TRPM4: variants seen among roughly 807,000 people sequenced by gnomAD.
TRPM4 encodes transient receptor potential cation channel subfamily M member 4, also known as calcium-activated non-selective cation channel 1.
In TRPM4, 124 loss-of-function variants were observed where a neutral mutation model predicts 135.6. The ratio of observed to expected loss-of-function variants is 0.91; its 90% CI spans 0.79 to 1.06. The LOEUF is 1.06. Ranked by LOEUF, TRPM4 falls within the 50% of genes least tolerant of loss-of-function variation. The pLI is 0.00. For synonymous variants in TRPM4, 745 were observed against 705.6 expected (o/e 1.06, Z -0.88); for missense variants, 1,658 against 1,671.4 (o/e 0.99, Z 0.14).
At chr19:49,185,537 G>T (rs1380503261) in intron 12 of TRPM4, among the ~76,000 whole-genome samples, 1 of 151,286 alleles carries the variant, frequency 6.6e-6, no homozygotes, top group African/African-American at 2.4e-5. Context: ...CACCATGCCT[G>T]GTCTCTATTA....
chr19:49,182,472 CCAT>C (rs1968013828), intron 10 of TRPM4, 103 bp from the exon 11 acceptor site: 2 of 812,122 alleles, frequency 2.5e-6, no homozygotes, highest in Non-Finnish European at 4.1e-6. Context: ...ATCCATCCAT[CCAT>C]CCATCCATCC....
At chr19:49,187,289 G>A (rs1968233835) in intron 12 of TRPM4, among the ~76,000 whole-genome samples, 2 of 151,472 alleles carry the variant, frequency 1.3e-5, no homozygotes, top group African/African-American at 4.9e-5. Context: ...TTTTGTGGAG[G>A]GATAAAGTTT....
Position 49,211,277 on chromosome 19 carries a change from T to A in TRPM4, c.3640+8T>A, listed in dbSNP as rs757363295. On this transcript the variant is annotated splice_region_variant and intron_variant, in intron 24 of 24. Transcript: ENST00000252826. The surrounding 1 kb of genome is among the most constrained non-coding windows in gnomAD (Gnocchi z 4.8). The stretch of plus-strand genomic sequence containing the variant: ...ACCTGCCTGGGTCCAAAGGTCAGTG[T>A]GTAGCATCAGCCTGTGCATCTCCAG... 6.3e-7 allele frequency: 1 copy of A among 1,578,792 alleles called. No individual in the cohort carries two copies. The highest frequency in any genetic ancestry group is 8.6e-7 in the Non-Finnish European group (1 of 1,163,416).
Position 49,210,628 on chromosome 19 carries a change from C to G in TRPM4, c.3329-82C>G. 2 of 1,601,130 alleles carry G rather than the reference C, an allele frequency of 1.2e-6. No individual in the cohort carries two copies. Among genetic ancestry groups the G allele is most frequent in the Non-Finnish European group, 1.7e-6 (2 of 1,170,114 alleles). On this transcript the variant is annotated intron_variant, in intron 21 of 24. Coordinates refer to ENST00000252826, the MANE Select transcript of TRPM4 (RefSeq NM_017636.4). The surrounding 1 kb of genome is among the most constrained non-coding windows in gnomAD (Gnocchi z 4.1). Reference sequence around the variant, plus strand: ...CAGGGGCTGGGTCTGGGATAGCGTGCGTGTTCTGAGGGTGTCGGAAGGGGC... The same window carrying G: ...CAGGGGCTGGGTCTGGGATAGCGTGGGTGTTCTGAGGGTGTCGGAAGGGGC...
chr19:49,182,395 CCCATCCAT>C (rs1300120512), intron 10 of TRPM4, 175 bp from the exon 11 acceptor site: 1 of 548,440 alleles, frequency 1.8e-6, no homozygotes, highest in Non-Finnish European at 3.2e-6. Context: ...CATCCATCTG[CCCATCCAT>C]CCATCTGTCC....
chr19:49,183,069 T>G lies in TRPM4; in HGVS notation c.1609-9T>G, dbSNP rs1229012849. ...GGCTGGTCCTCACCACCCCTCCTTT[T>G]GCTGGCAGATGTATCTGCTCTCGGA... On this transcript the variant is annotated splice_polypyrimidine_tract_variant and intron_variant, in intron 11 of 24. Transcript: ENST00000252826. The G allele has an allele frequency of 3.7e-6, 6 of 1,611,330 alleles. No individual in the cohort carries two copies.
chr19:49,210,147 C>T lies in TRPM4; in HGVS notation c.3132-62C>T. Reference sequence around the variant, plus strand: ...GAACAATTATTGCCTGGCATCTAACCTTCGTCCTTGCCCCTGGCTGGGCCC... The same window carrying T: ...GAACAATTATTGCCTGGCATCTAACTTTCGTCCTTGCCCCTGGCTGGGCCC... On this transcript the variant is annotated intron_variant, in intron 20 of 24. Coordinates refer to ENST00000252826, the MANE Select transcript of TRPM4 (RefSeq NM_017636.4). The surrounding 1 kb of genome is among the most constrained non-coding windows in gnomAD (Gnocchi z 4.1). The T allele has an allele frequency of 6.5e-7, 1 of 1,549,062 alleles. No homozygotes were observed. Among genetic ancestry groups the T allele is most frequent in the Non-Finnish European group, 8.9e-7 (1 of 1,120,644 alleles).
At chr19:49,165,141 G>C (rs1967123094) in intron 2 of TRPM4, among the ~76,000 whole-genome samples, 1 of 152,012 alleles carries the variant, frequency 6.6e-6, no homozygotes, top group African/African-American at 2.4e-5. Context: ...ATTTCTTTAG[G>C]TGGGGGAAAG....
chr19:49,182,580 C>A lies in TRPM4; in HGVS notation c.1266C>A (p.Ser422=), dbSNP rs1968020964. 1 of 1,612,858 alleles carries A rather than the reference C, an allele frequency of 6.2e-7. No homozygotes were observed. The highest frequency in any genetic ancestry group is 1.3e-5 in the African/African-American group (1 of 75,070). Residue 422 remains serine (S), a splice_region_variant and synonymous_variant, in exon 11 of 25, where the codon TCC becomes TCA. Transcript: ENST00000252826. ...CCCTATTCATCCCACCCTGCCAGTC[C>A]TTCCATCTCGAAGCTTCCCTCATGG... ...ELFRGDIQWR[S]FHLEASLMDA...
At chr19:49,178,768 A>AT (rs973698566) in intron 9 of TRPM4, among the ~76,000 whole-genome samples, 45 of 96,000 alleles carry the variant, frequency 4.7e-4, no homozygotes, top group Admixed American at 2.3e-3. Flanking sequence ...TTATTTTTTT[A>AT]TTTTTTTTGA....
At chr19:49,193,351 G>A (rs867761272) in intron 16 of TRPM4, among the ~76,000 whole-genome samples, 9 of 152,244 alleles carry the variant, frequency 5.9e-5, no homozygotes, top group African/African-American at 2.2e-4. Flanking sequence ...AAAGTGCTGG[G>A]ATTACAAGCA....
intron 20 of TRPM4, among the ~76,000 whole-genome samples, chr19:49,204,280 G>GT (rs1969063835): frequency 6.6e-6 from 1 of 152,184 alleles, no homozygotes; most frequent in Non-Finnish European, 1.5e-5. Context: ...ATCTCAAAGT[G>GT]GAATTCCTCG....
chr19:49,178,284 C>T (rs1568467290), intron 9 of TRPM4, among the ~76,000 whole-genome samples: 1 of 152,124 alleles, frequency 6.6e-6, no homozygotes, highest in African/African-American at 2.4e-5. Flanking sequence ...GTGATGGCGC[C>T]ACTGCACTCC....
intron 2 of TRPM4, among the ~76,000 whole-genome samples, chr19:49,163,170 C>T (rs1017959560): frequency 3.5e-4 from 53 of 149,836 alleles, no homozygotes; most frequent in African/African-American, 1.1e-3. Flanking sequence ...CAGACTATTC[C>T]GTGAAGAGCT....
intron 2 of TRPM4, 143 bp from the exon 3 acceptor site, chr19:49,165,898 G>T: frequency 1.2e-6 from 1 of 843,934 alleles, no homozygotes; most frequent in South Asian, 1.7e-5. Flanking sequence ...TCAGAGCCAG[G>T]GCCAGGGGCA....
chr19:49,210,645 G>T lies in TRPM4; in HGVS notation c.3329-65G>T. ...ATAGCGTGCGTGTTCTGAGGGTGTC[G>T]GAAGGGGCAGCTGGGATTGGGAAGG... is the stretch of plus-strand genomic sequence containing the variant. On this transcript the variant is annotated intron_variant, in intron 21 of 24. Transcript: ENST00000252826. This position sits in a 1 kb window ranked among gnomAD's most constrained non-coding sequence, Gnocchi z 4.1. 1 of 1,612,296 alleles carries T rather than the reference G, an allele frequency of 6.2e-7. No individual in the cohort carries two copies. Among genetic ancestry groups the T allele is most frequent in the South Asian group, 1.1e-5 (1 of 90,728 alleles).
chr19:49,184,956 A>T (rs1345044981), intron 12 of TRPM4, among the ~76,000 whole-genome samples: 1 of 151,676 alleles, frequency 6.6e-6, no homozygotes, highest in Non-Finnish European at 1.5e-5. Context: ...TTTATTTTTA[A>T]AAAAATAAAT....
rs1032619794 is a variant in TRPM4, at chr19:49,190,608, C to T, written c.2133-88C>T. On this transcript the variant is annotated intron_variant, in intron 15 of 24. Coordinates refer to ENST00000252826, the MANE Select transcript of TRPM4 (RefSeq NM_017636.4). ...ACCTCTCTGTCCCTCTGCCATGTCT[C>T]CGGGTGAAGAAGTTTGAGTTTTGCT... 3 of 1,358,970 alleles carry T rather than the reference C, an allele frequency of 2.2e-6. No individual in the cohort carries two copies. In the African/African-American group the frequency reaches 4.3e-5, roughly 19 times the overall value. The allele number at this position is 1,358,970 out of a possible 1,614,324, so 84.2% of individuals were successfully genotyped here. A position where few individuals can be genotyped will look rare whatever the true frequency, so the allele number is the denominator to read the frequency against.
At chr19:49,176,169 C>T (rs1460878025) in intron 9 of TRPM4, among the ~76,000 whole-genome samples, 3 of 151,822 alleles carry the variant, frequency 2.0e-5, no homozygotes, top group Non-Finnish European at 4.4e-5. Context: ...GGTGATCCAC[C>T]CGCCTCGGCC....
Sources: allele counts gnomAD v4.1 joint callset (sites outside exome capture counted in the v4.1 genomes callset), GRCh38; gene constraint gnomAD v4.1.1; non-coding constraint Gnocchi (gnomAD v3.1); transcripts MANE v1.5; gene names NCBI Gene and HGNC (gene_info 2026-07-23, HGNC 2026-07-21).